The following BCORL1 variants were observed in gnomAD, a reference collection of about 807,000 sequenced individuals.
BCORL1 encodes BCL6 corepressor like 1, also known as BCL-6 corepressor-like protein 1.
Under a neutral mutation model 87.6 loss-of-function variants are expected in BCORL1, and 7 were observed. The observed-to-expected ratio is 0.08, with a 90% CI of 0.05 to 0.15. The LOEUF (loss-of-function observed/expected upper bound fraction) is 0.15, where lower values mean the gene tolerates loss of function less well. Ranked by LOEUF, BCORL1 falls within the 10% of genes least tolerant of loss-of-function variation. The pLI, the probability that BCORL1 is intolerant of heterozygous loss-of-function variation, is 1.00. For missense variants in BCORL1, 1,215 were observed against 1,499.7 expected (o/e 0.81, Z 3.13); for synonymous variants, 591 against 634.4 (o/e 0.93, Z 1.03).
At position 130,021,095 on chromosome X, in the gene BCORL1, G is replaced by A. The variant is rs1424356590; in HGVS notation, c.3552G>A (p.Lys1184=). 8.3e-7 allele frequency: 1 copy of A among 1,199,704 alleles called. No homozygotes were observed. The highest frequency in any genetic ancestry group is 1.8e-5 in the South Asian group (1 of 54,883). ...NGVRGKHKHR[K]PTKPESQSPG... is the part of the protein sequence containing the mutation. ...TCAGGGGAAAGCACAAGCACCGGAAGCCGACAAAGCCGGAGTCCCAGTCTC... is the reference window on the plus strand; with the variant it reads ...TCAGGGGAAAGCACAAGCACCGGAAACCGACAAAGCCGGAGTCCCAGTCTC... Residue 1184 remains lysine (K), a synonymous_variant, in exon 5 of 14, where the codon AAG becomes AAA. Coordinates refer to ENST00000540052, the MANE Select transcript of BCORL1 (RefSeq NM_001379451.1).
chrX:129,985,481 G>T (rs1926521587), intron 1 of BCORL1, among the ~76,000 whole-genome samples: 1 of 111,375 alleles, frequency 9.0e-6, no homozygotes, highest in Non-Finnish European at 1.9e-5. Context: ...GGATTAAATG[G>T]GATAACCTAA....
At chrX:130,023,020 G>C in intron 6 of BCORL1, 43 bp downstream of exon 6, 1 of 1,084,389 alleles carries the variant, frequency 9.2e-7, no homozygotes, top group Non-Finnish European at 1.3e-6. Context: ...CATCTTCTAT[G>C]AAAAGAGAGA....
At chrX:130,048,848 A>G (rs752897076) in intron 11 of BCORL1, among the ~76,000 whole-genome samples, 30 of 111,847 alleles carry the variant, frequency 2.7e-4, no homozygotes, top group Admixed American at 4.7e-4. Flanking sequence ...GCAACCACCA[A>G]TCTGCTTTCT....
At chrX:130,046,098 A>G (rs1931726628) in intron 11 of BCORL1, among the ~76,000 whole-genome samples, 1 of 109,687 alleles carries the variant, frequency 9.1e-6, no homozygotes, top group African/African-American at 3.3e-5. Context: ...CATGGGCAAC[A>G]GAGTGATTCC....
chrX:130,029,649 T>TTCTC (rs752429247), intron 8 of BCORL1, among the ~76,000 whole-genome samples: 2 of 105,699 alleles, frequency 1.9e-5, no homozygotes, highest in African/African-American at 6.9e-5. Context: ...ATTTTTTTTT[T>TTCTC]TCTCTCTCTC....
chrX:130,055,176 T>TC (rs1932298145), intron 13 of BCORL1, among the ~76,000 whole-genome samples: 1 of 112,338 alleles, frequency 8.9e-6, no homozygotes, highest in African/African-American at 3.2e-5. Flanking sequence ...CCAGCACCCC[T>TC]CCCAGCTGTC....
At chrX:130,010,333 T>TC (rs1270619020) in intron 2 of BCORL1, among the ~76,000 whole-genome samples, 1 of 112,030 alleles carries the variant, frequency 8.9e-6, no homozygotes, top group Non-Finnish European at 1.9e-5. Flanking sequence ...GGAACACGCT[T>TC]CCCCCTGGCC....
chrX:130,046,689 G>A (rs1456810861), intron 11 of BCORL1, among the ~76,000 whole-genome samples: 1 of 111,154 alleles, frequency 9.0e-6, no homozygotes, highest in Admixed American at 9.6e-5. Context: ...TGGGACTACA[G>A]GTGCCCACCA....
intron 8 of BCORL1, among the ~76,000 whole-genome samples, chrX:130,030,764 G>A (rs1385741506): frequency 9.1e-6 from 1 of 109,595 alleles, no homozygotes. Flanking sequence ...ACCAGCGCTC[G>A]AGATTCAGCA....
intron 1 of BCORL1, among the ~76,000 whole-genome samples, chrX:130,000,545 G>A (rs766770890): frequency 1.8e-5 from 2 of 112,354 alleles, no homozygotes; most frequent in East Asian, 2.8e-4. Context: ...AAATGAACAC[G>A]TGTTAAAGAT....
chrX:130,049,345 AGTTTGTTT>A (rs112855640), intron 11 of BCORL1, among the ~76,000 whole-genome samples: 3 of 110,086 alleles, frequency 2.7e-5, no homozygotes, highest in Non-Finnish European at 3.8e-5. Context: ...TTCATGTATA[AGTTTGTTT>A]GTTTGTTTGT....
intron 13 of BCORL1, among the ~76,000 whole-genome samples, chrX:130,054,771 C>T (rs746886795): frequency 1.8e-5 from 2 of 110,485 alleles, no homozygotes; most frequent in South Asian, 3.8e-4. Context: ...ATTAGCCAGG[C>T]GTGGTCGTGG....
chrX:130,000,544 C>T (rs1458455825), intron 1 of BCORL1, among the ~76,000 whole-genome samples: 2 of 112,206 alleles, frequency 1.8e-5, no homozygotes, highest in African/African-American at 3.2e-5. Context: ...AAAATGAACA[C>T]GTGTTAAAGA....
At chrX:130,023,055 C>T in intron 6 of BCORL1, 78 bp downstream of exon 6, 1 of 886,489 alleles carries the variant, frequency 1.1e-6, no homozygotes, top group Non-Finnish European at 1.7e-6. Flanking sequence ...AGCAGTTTTA[C>T]CATGGGCCCA....
chrX:130,031,738 C>T (rs911222839), intron 8 of BCORL1, among the ~76,000 whole-genome samples: 2 of 111,683 alleles, frequency 1.8e-5, no homozygotes, highest in African/African-American at 3.3e-5. Context: ...GAGCCAAGAT[C>T]GTGTCACTGC....
At chrX:129,981,925 T>TGTG (rs1569352444), upstream of BCORL1, 1 of 23,554 alleles carries the variant, frequency 4.2e-5, no homozygotes, top group Non-Finnish European at 7.3e-5. Context: ...GCGACGACGG[T>TGTG]GGGGGGGGGA....
chrX:130,005,281 C>A lies in BCORL1; in HGVS notation c.50C>A (p.Ser17Tyr). 8.3e-7 allele frequency: 1 copy of A among 1,211,856 alleles called. No homozygotes were observed. The highest frequency in any genetic ancestry group is 1.1e-6 in the Non-Finnish European group (1 of 895,430). Residue 17 changes from serine to tyrosine, a missense_variant, in exon 2 of 14, where the codon TCT becomes TAT. Ser to Tyr is a moderately radical substitution (Grantham distance 144). This residue lies in a region of BCORL1 where 861 missense variants were observed against 1,010.0 expected (regional missense o/e 0.85). Coordinates refer to ENST00000540052, the MANE Select transcript of BCORL1 (RefSeq NM_001379451.1). The stretch of plus-strand genomic sequence containing the variant: ...AGCGGCGTGCACAACTGGACCAGTT[C>A]TGACCGGATTCGCATGTGTGGCATC... ...LYSGVHNWTS[S>Y]DRIRMCGINE...
At chrX:130,017,120 A>T (rs984685436) in intron 4 of BCORL1, among the ~76,000 whole-genome samples, 1 of 111,412 alleles carries the variant, frequency 9.0e-6, no homozygotes, top group African/African-American at 3.3e-5. Context: ...ACCATTTTGA[A>T]AAGCTGGTGA....
At chrX:130,023,661 T>C (rs182606364) in intron 6 of BCORL1, among the ~76,000 whole-genome samples, 1 of 112,176 alleles carries the variant, frequency 8.9e-6, no homozygotes, top group Non-Finnish European at 1.9e-5. Flanking sequence ...GAGGTGGTAA[T>C]TGGGGCTCAT....
Sources: gnomAD v4.1 joint callset for allele counts (sites outside exome capture counted in the v4.1 genomes callset) on GRCh38, gnomAD v4.1.1 for gene constraint, gnomAD v4.1.1 regional missense constraint, MANE v1.5 for transcripts, NCBI Gene and HGNC (gene_info 2026-07-23, HGNC 2026-07-21) for gene names.